SCAF8: variants seen among roughly 807,000 people sequenced by gnomAD.
SCAF8 encodes the protein SR-related CTD associated factor 8.
A neutral mutation model predicts 140.5 loss-of-function variants in SCAF8; 23 were observed. The observed-to-expected ratio is 0.16, with a 90% CI of 0.12 to 0.23. The LOEUF is 0.23. Among genes scored for constraint, SCAF8 ranks in the 10% least tolerant of loss-of-function variants. The pLI, the probability that SCAF8 is intolerant of heterozygous loss-of-function variation, is 1.00. For synonymous variants in SCAF8, 575 were observed against 528.9 expected (o/e 1.09, Z -1.20); for missense variants, 1,397 against 1,555.7 (o/e 0.90, Z 1.72).
At chr6:154,755,873 T>C (rs1778954519) in intron 1 of SCAF8, among the ~76,000 whole-genome samples, 1 of 152,192 alleles carries the variant, frequency 6.6e-6, no homozygotes, top group African/African-American at 2.4e-5. Flanking sequence ...CTAATGCATT[T>C]CCATTGGGAA....
At chr6:154,764,459 TATTAGAAC>T (rs1270077828) in intron 1 of SCAF8, among the ~76,000 whole-genome samples, 9 of 152,206 alleles carry the variant, frequency 5.9e-5, no homozygotes, top group Admixed American at 5.9e-4. Flanking sequence ...CATTAGATAA[TATTAGAAC>T]ATGGCATATG....
At chr6:154,744,385 TAAAAA>T (rs1438987080) in intron 1 of SCAF8, among the ~76,000 whole-genome samples, 3 of 151,560 alleles carry the variant, frequency 2.0e-5, no homozygotes, top group African/African-American at 7.3e-5. Flanking sequence ...TCACAAAAAT[TAAAAA>T]GAAAAAAAAG....
chr6:154,752,790 T>C (rs1778870024), intron 1 of SCAF8, among the ~76,000 whole-genome samples: 2 of 152,190 alleles, frequency 1.3e-5, no homozygotes, highest in African/African-American at 4.8e-5. Context: ...GGTGCAGTCA[T>C]GTCTTGCAGC....
chr6:154,815,279 AGAGT>A (rs200007703), intron 12 of SCAF8, among the ~76,000 whole-genome samples: 2,777 of 152,348 alleles, frequency 0.018, 77 homozygotes, highest in African/African-American at 0.063. Context: ...CCTGGGCGAC[AGAGT>A]GAGACTCCGT....
At chr6:154,816,521 C>T (rs542942921) in intron 13 of SCAF8, among the ~76,000 whole-genome samples, 73 of 152,254 alleles carry the variant, frequency 4.8e-4, no homozygotes, top group African/African-American at 1.7e-3. Context: ...TGCTGTCTTT[C>T]TTCCTCCTGC....
chr6:154,807,130 CTT>C lies in SCAF8; in HGVS notation c.982-939_982-938del, dbSNP rs367788703. Reference sequence around the variant, plus strand: ...ACTTTATGTTTTTAATGGTCTCTCTCTTAGCAGAATCAAGTAGTCTTAACAAG... The same window carrying C: ...ACTTTATGTTTTTAATGGTCTCTCTCAGCAGAATCAAGTAGTCTTAACAAG... On this transcript the variant is annotated intron_variant, in intron 9 of 19. Coordinates refer to ENST00000367178, the MANE Select transcript of SCAF8 (RefSeq NM_014892.5). Among the ~76,000 whole-genome samples the C allele has an allele frequency of 2.3e-3, 355 of 152,256 alleles. 1 individual carries two copies. Among genetic ancestry groups the C allele is most frequent in the African/African-American group, 7.6e-3 (315 of 41,552 alleles).
chr6:154,735,133 AAAAAAG>A (rs1464622019), intron 1 of SCAF8, among the ~76,000 whole-genome samples: 30 of 152,124 alleles, frequency 2.0e-4, no homozygotes, highest in East Asian at 3.9e-4. Flanking sequence ...ACAAAAAAAA[AAAAAAG>A]AAAAAGAAAA....
In SCAF8 at chr6:154,832,778, A is replaced by G. The variant is rs1476602002; in HGVS notation, c.3199A>G (p.Ile1067Val). ...TCATTTTGGAAGACCTCCTGTAGAT[A>G]TAAGAGAGAATCTTGTGAGGCCAGG... Reference protein sequence around the residue: ...RDHFGRPPVDIRENLVRPGID... With the variant: ...RDHFGRPPVDVRENLVRPGID... Residue 1067 changes from isoleucine (I) to valine (V), a missense_variant, in exon 20 of 20, where the codon ATA (isoleucine) becomes GTA (valine). Transcript: ENST00000367178. 1 of 1,613,952 alleles carries G rather than the reference A, an allele frequency of 6.2e-7. No homozygotes were observed. The highest frequency in any genetic ancestry group is 8.5e-7 in the Non-Finnish European group (1 of 1,179,984).
chr6:154,812,410 T>C (rs1048135174), intron 12 of SCAF8, among the ~76,000 whole-genome samples: 4 of 151,866 alleles, frequency 2.6e-5, no homozygotes, highest in African/African-American at 9.7e-5. Flanking sequence ...AAACATATCT[T>C]TTGTGTGCAC....
chr6:154,800,696 A>G (rs1777749077), intron 6 of SCAF8, among the ~76,000 whole-genome samples: 1 of 151,456 alleles, frequency 6.6e-6, no homozygotes, highest in African/African-American at 2.4e-5. Flanking sequence ...CTGAAAATAC[A>G]ATAGAAAACA....
chr6:154,832,260 C>G lies in SCAF8; in HGVS notation c.2681C>G (p.Pro894Arg). 6.2e-7 allele frequency: 1 copy of G among 1,614,150 alleles called. No individual in the cohort carries two copies. The highest frequency in any genetic ancestry group is 8.5e-7 in the Non-Finnish European group (1 of 1,180,004). ...CAGCCACCAAATGTTCCAAATACTC[C>G]TGGACTTCTGGGAACACAGCCACCA... Reference protein sequence around the residue: ...GVQPPNVPNTPGLLGTQPPAG... With the variant: ...GVQPPNVPNTRGLLGTQPPAG... Residue 894 changes from proline to arginine, a missense_variant, in exon 20 of 20, where the codon CCT (proline) becomes CGT (arginine). Pro to Arg is a moderately radical substitution (Grantham distance 103). This residue lies in a region of SCAF8 where 930 missense variants were observed against 874.6 expected (regional missense o/e 1.06). Coordinates refer to ENST00000367178, the MANE Select transcript of SCAF8 (RefSeq NM_014892.5).
intron 6 of SCAF8, among the ~76,000 whole-genome samples, chr6:154,799,110 T>C (rs1414934045): frequency 6.6e-6 from 1 of 150,866 alleles, no homozygotes; most frequent in African/African-American, 2.4e-5. Context: ...CCCGAGTAGC[T>C]GAGATTACAG....
chr6:154,820,243 G>A lies in SCAF8; in HGVS notation c.1702G>A (p.Val568Ile), dbSNP rs773371689. ...YKQFWDVDLG[V>I]TYIPWEKVKV... ...ACAATTCTGGGATGTGGATCTTGGA[G>A]TTACATATATACCATGGGAAAAAGT... Residue 568 changes from valine to isoleucine, a missense_variant, in exon 15 of 20, where the codon GTT becomes ATT. Val to Ile is a conservative substitution (Grantham distance 29). This residue lies in a region of SCAF8 where 59 missense variants were observed against 110.7 expected (regional missense o/e 0.53). Transcript: ENST00000367178. 1 of 1,610,446 alleles carries A rather than the reference G, an allele frequency of 6.2e-7. No homozygotes were observed. Among genetic ancestry groups the A allele is most frequent in the African/African-American group, 1.3e-5 (1 of 74,740 alleles).
At chr6:154,756,869 A>C (rs1026788357) in intron 1 of SCAF8, among the ~76,000 whole-genome samples, 3 of 152,018 alleles carry the variant, frequency 2.0e-5, no homozygotes, top group African/African-American at 7.2e-5. Context: ...CTCTACAAGA[A>C]ATACAAAAAT....
intron 15 of SCAF8, 96 bp from the exon 16 acceptor site, chr6:154,822,180 T>G: frequency 7.8e-7 from 1 of 1,282,046 alleles, no homozygotes; most frequent in Non-Finnish European, 1.1e-6. Flanking sequence ...TGTGCCAAGG[T>G]AGATGAAGGA....
At chr6:154,782,647 C>G (rs1365275942) in intron 3 of SCAF8, among the ~76,000 whole-genome samples, 3 of 152,062 alleles carry the variant, frequency 2.0e-5, no homozygotes, top group Non-Finnish European at 4.4e-5. Flanking sequence ...TAAGTATTAA[C>G]TTACACGATC....
chr6:154,769,587 C>T (rs1452714908), intron 1 of SCAF8, among the ~76,000 whole-genome samples: 1 of 152,166 alleles, frequency 6.6e-6, no homozygotes, highest in African/African-American at 2.4e-5. Flanking sequence ...ATAGCTAACC[C>T]TTATTGAGCT....
chr6:154,777,457 G>T (rs1334376398), intron 2 of SCAF8, among the ~76,000 whole-genome samples: 1 of 151,848 alleles, frequency 6.6e-6, no homozygotes, highest in Non-Finnish European at 1.5e-5. Context: ...GATCCATTAG[G>T]ATATTATACA....
chr6:154,820,353 T>C lies in SCAF8; in HGVS notation c.1792+20T>C. 3 of 1,588,220 alleles carry C rather than the reference T, an allele frequency of 1.9e-6. No individual in the cohort carries two copies. Among genetic ancestry groups the C allele is most frequent in the Non-Finnish European group, 2.6e-6 (3 of 1,169,254 alleles). On this transcript the variant is annotated intron_variant, in intron 15 of 19. Transcript: ENST00000367178. ...ATACTGGTAAGAATTCTAAGGTCTT[T>C]TTATTGTTAAAAAAAAGTATGCTTA...
Sources: allele counts gnomAD v4.1 joint callset (sites outside exome capture counted in the v4.1 genomes callset), GRCh38; gene constraint gnomAD v4.1.1; regional missense constraint gnomAD v4.1.1; transcripts MANE v1.5; gene names NCBI Gene and HGNC (gene_info 2026-07-23, HGNC 2026-07-21).